The following PTPRD variants were observed in gnomAD, a reference collection of about 807,000 sequenced individuals.
PTPRD encodes the protein protein tyrosine phosphatase receptor type D, also known as receptor-type tyrosine-protein phosphatase delta.
A neutral mutation model predicts 214.5 loss-of-function variants in PTPRD; 34 were observed. The observed-to-expected ratio is 0.16, with a 90% CI of 0.12 to 0.21. The LOEUF (loss-of-function observed/expected upper bound fraction) is 0.21. Ranked by LOEUF, PTPRD falls within the 10% of genes least tolerant of loss-of-function variation. PTPRD has a pLI of 1.00. For synonymous variants in PTPRD, 1,128 were observed against 845.7 expected (o/e 1.33, Z -5.79); for missense variants, 2,545 against 2,398.7 (o/e 1.06, Z -1.27).
chr9:8,845,711 G>A (rs1364511512), intron 11 of PTPRD, among the ~76,000 whole-genome samples: 1 of 152,230 alleles, frequency 6.6e-6, no homozygotes, highest in Admixed American at 6.5e-5. Flanking sequence ...AGGCCCATGT[G>A]TGAGACATAC....
intron 11 of PTPRD, among the ~76,000 whole-genome samples, chr9:8,769,822 C>G (rs947846391): frequency 6.7e-6 from 1 of 149,956 alleles, no homozygotes; most frequent in African/African-American, 2.5e-5. Context: ...AAAAAAAATA[C>G]ATAGAAATCT....
intron 7 of PTPRD, among the ~76,000 whole-genome samples, chr9:9,710,596 T>A (rs2097707276): frequency 6.6e-6 from 1 of 151,050 alleles, no homozygotes; most frequent in Non-Finnish European, 1.5e-5. Flanking sequence ...TTTAATATCA[T>A]CTATTCTGTT....
intron 39 of PTPRD, among the ~76,000 whole-genome samples, chr9:8,361,577 A>G (rs1223140185): frequency 1.3e-5 from 2 of 152,210 alleles, no homozygotes; most frequent in Non-Finnish European, 2.9e-5. Context: ...ACCTCTGTCC[A>G]TGGAAATTGA....
At chr9:10,055,687 T>C (rs1014456925) in intron 3 of PTPRD, among the ~76,000 whole-genome samples, 3 of 152,012 alleles carry the variant, frequency 2.0e-5, no homozygotes, top group Admixed American at 6.6e-5. Context: ...ATATACTGAA[T>C]TATGAATAAC....
In PTPRD at chr9:10,293,963, C is replaced by A. The variant is rs147441453; in HGVS notation, c.-545+47000G>T. On this transcript the variant is annotated intron_variant, in intron 3 of 45. Coordinates refer to ENST00000381196, the MANE Select transcript of PTPRD (RefSeq NM_002839.4). ...CAGTAATATGCCTTCTGCAAACCCA[C>A]AATTTAAATGTGTGACAGATTTTCA... Among the ~76,000 whole-genome samples, 341 of 152,070 alleles carry A rather than the reference C, an allele frequency of 2.2e-3. 2 individuals carry two copies. In the South Asian group the frequency reaches 0.026, roughly 12 times the overall value.
chr9:9,401,885 G>C (rs2070725726), intron 8 of PTPRD, among the ~76,000 whole-genome samples: 1 of 151,944 alleles, frequency 6.6e-6, no homozygotes, highest in African/African-American at 2.4e-5. Context: ...GGACATGTTT[G>C]CTTCTCCTTC....
chr9:10,103,005 T>C (rs2098575274), intron 3 of PTPRD, among the ~76,000 whole-genome samples: 1 of 151,624 alleles, frequency 6.6e-6, no homozygotes, highest in African/African-American at 2.4e-5. Flanking sequence ...TCAGGAAGAA[T>C]AAGAGTAGGA....
intron 9 of PTPRD, among the ~76,000 whole-genome samples, chr9:9,265,620 G>A (rs1167948979): frequency 6.6e-6 from 1 of 151,358 alleles, no homozygotes; most frequent in African/African-American, 2.4e-5. Context: ...ATTTTTGAAT[G>A]CAAGTAAAGT....
intron 11 of PTPRD, among the ~76,000 whole-genome samples, chr9:8,818,527 A>C (rs2096969952): frequency 6.6e-6 from 1 of 152,202 alleles, no homozygotes; most frequent in Admixed American, 6.5e-5. Context: ...ACAGTAATTA[A>C]GGTGAGGTTA....
chr9:9,628,237 C>T (rs186555764), intron 7 of PTPRD, among the ~76,000 whole-genome samples: 1 of 152,286 alleles, frequency 6.6e-6, no homozygotes, highest in East Asian at 1.9e-4. Flanking sequence ...ACCCATAACA[C>T]ATGTGTGATA....
intron 7 of PTPRD, among the ~76,000 whole-genome samples, chr9:9,717,141 G>T (rs1034045758): frequency 9.2e-5 from 14 of 151,976 alleles, no homozygotes; most frequent in African/African-American, 3.4e-4. Context: ...TGTCAGGTTT[G>T]TCAAAGATCA....
At chr9:9,711,198 G>A (rs895205059) in intron 7 of PTPRD, among the ~76,000 whole-genome samples, 1 of 152,064 alleles carries the variant, frequency 6.6e-6, no homozygotes, top group African/African-American at 2.4e-5. Flanking sequence ...TATTAGAAGT[G>A]ATTTAAGTGC....
intron 44 of PTPRD, among the ~76,000 whole-genome samples, chr9:8,327,887 T>C (rs1396421044): frequency 6.6e-6 from 1 of 152,162 alleles, no homozygotes; most frequent in Non-Finnish European, 1.5e-5. Context: ...CTCCATCCCT[T>C]TATTTTGAGC....
At chr9:9,138,955 T>C (rs969026021) in intron 10 of PTPRD, among the ~76,000 whole-genome samples, 6 of 152,158 alleles carry the variant, frequency 3.9e-5, no homozygotes, top group Admixed American at 1.3e-4. Context: ...ATAACAATAA[T>C]AGTTACAGTA....
intron 12 of PTPRD, among the ~76,000 whole-genome samples, chr9:8,671,096 G>C (rs560492928): frequency 1.3e-5 from 2 of 152,250 alleles, no homozygotes; most frequent in South Asian, 4.1e-4. Flanking sequence ...TGTGCTTGGA[G>C]AGTATCAGCT....
intron 7 of PTPRD, among the ~76,000 whole-genome samples, chr9:9,704,162 C>A (rs890775481): frequency 6.6e-6 from 1 of 152,076 alleles, no homozygotes; most frequent in African/African-American, 2.4e-5. Context: ...AGTGGCTTTC[C>A]GTGGGTCTCC....
intron 3 of PTPRD, among the ~76,000 whole-genome samples, chr9:10,282,389 A>G (rs1304337507): frequency 1.3e-5 from 2 of 152,172 alleles, no homozygotes; most frequent in Non-Finnish European, 2.9e-5. Flanking sequence ...AGAAACAAGG[A>G]TACTTTTTCA....
intron 3 of PTPRD, among the ~76,000 whole-genome samples, chr9:10,226,789 G>A (rs1469760169): frequency 6.6e-6 from 1 of 151,842 alleles, no homozygotes; most frequent in Non-Finnish European, 1.5e-5. Flanking sequence ...CAGGGAACAG[G>A]GATAGATCAA....
At chr9:8,361,219 T>C (rs1345274728) in intron 39 of PTPRD, among the ~76,000 whole-genome samples, 1 of 152,242 alleles carries the variant, frequency 6.6e-6, no homozygotes, top group African/African-American at 2.4e-5. Context: ...AATCTAGCTC[T>C]GCTTTCACAG....
Sources: gnomAD v4.1 joint callset for allele counts (sites outside exome capture counted in the v4.1 genomes callset) on GRCh38, gnomAD v4.1.1 for gene constraint, MANE v1.5 for transcripts, NCBI Gene and HGNC (gene_info 2026-07-23, HGNC 2026-07-21) for gene names.